DYDC2: variants seen among roughly 807,000 people sequenced by gnomAD.
DYDC2 encodes the protein DPY30 domain-containing protein 2.
In DYDC2, 19 loss-of-function variants were observed where a neutral mutation model predicts 18.7. That is an observed-to-expected ratio of 1.02 (90% confidence interval 0.71 to 1.49). DYDC2 has a LOEUF of 1.49. Ranked by LOEUF, DYDC2 falls within the 40% of genes most tolerant of loss-of-function variation. The pLI, the probability that DYDC2 is intolerant of heterozygous loss-of-function variation, is 0.00. For missense variants in DYDC2, 179 were observed against 205.1 expected (o/e 0.87, Z 0.78); for synonymous variants, 63 against 67.6 (o/e 0.93, Z 0.34).
upstream of DYDC2, among the ~76,000 whole-genome samples, chr10:80,355,677 CAG>C (rs956593488): frequency 1.7e-4 from 26 of 152,156 alleles, no homozygotes; most frequent in African/African-American, 6.3e-4. Context: ...CTCTAAGACA[CAG>C]AATAAAGAAA....
At chr10:80,346,560 A>G (rs1842652088) in intron 1 of DYDC2, among the ~76,000 whole-genome samples, 1 of 146,110 alleles carries the variant, frequency 6.8e-6, no homozygotes, top group Admixed American at 7.2e-5. Context: ...TCCTGGGTTC[A>G]CACCATTCTC....
At position 80,367,214 on chromosome 10, in the gene DYDC2, G is replaced by T. The variant is rs1413748058; in HGVS notation, c.*263G>T. 3 of 383,818 alleles carry T rather than the reference G, an allele frequency of 7.8e-6. No homozygotes were observed. The highest frequency in any genetic ancestry group is 1.4e-5 in the Non-Finnish European group (3 of 216,262). 23.8% of individuals were successfully genotyped at this position (383,818 alleles called of 1,614,324 possible). On this transcript the variant is annotated 3_prime_UTR_variant, in exon 5 of 5. Transcript: ENST00000256039. The stretch of plus-strand genomic sequence containing the variant: ...ATCAACGTTTTGGAGACTACACAAT[G>T]AAAACACATCTGTTGGGGTGATCAG...
intron 4 of DYDC2, among the ~76,000 whole-genome samples, chr10:80,363,511 A>ATT (rs1554848200): frequency 7.8e-5 from 11 of 140,462 alleles, no homozygotes; most frequent in South Asian, 4.6e-4. Context: ...CGCCCGGCTA[A>ATT]TTTTTTTTTT....
At chr10:80,362,890 G>A (rs1843706995) in intron 3 of DYDC2, 61 bp from the exon 4 acceptor site, 8 of 1,575,700 alleles carry the variant, frequency 5.1e-6, no homozygotes, top group Middle Eastern at 1.7e-4. Context: ...CCAGTGAGGG[G>A]GCCCCGTTTA....
chr10:80,365,143 C>T (rs953611918), intron 4 of DYDC2, among the ~76,000 whole-genome samples: 6 of 152,078 alleles, frequency 3.9e-5, no homozygotes, highest in Admixed American at 1.3e-4. Flanking sequence ...CAGTTTTTTC[C>T]TTGATCGCTT....
At chr10:80,351,916 C>T, upstream of DYDC2, 6 of 1,614,152 alleles carry the variant, frequency 3.7e-6, no homozygotes, top group African/African-American at 2.7e-5. Context: ...GAAGTAAGAG[C>T]TCCTCTGCTT....
At chr10:80,359,162 A>G (rs1019893842) in intron 2 of DYDC2, among the ~76,000 whole-genome samples, 2 of 152,160 alleles carry the variant, frequency 1.3e-5, no homozygotes, top group African/African-American at 4.8e-5. Context: ...TCTGTTTTAC[A>G]GAGAGCTGAT....
upstream of DYDC2, chr10:80,356,390 C>T (rs1843368938): frequency 1.0e-6 from 1 of 985,804 alleles, no homozygotes; most frequent in Non-Finnish European, 1.2e-6. Flanking sequence ...AGCCAGCCAA[C>T]TGGGCGGGGG....
upstream of DYDC2, chr10:80,352,098 A>T: frequency 8.8e-7 from 1 of 1,135,582 alleles, no homozygotes; most frequent in Admixed American, 1.9e-5. Flanking sequence ...AATTAGGGAA[A>T]GTGTTAAGCA....
At chr10:80,361,589 T>C (rs1236746578) in intron 2 of DYDC2, among the ~76,000 whole-genome samples, 2 of 152,226 alleles carry the variant, frequency 1.3e-5, no homozygotes, top group Non-Finnish European at 2.9e-5. Context: ...ACTCCATTAT[T>C]TTCCCCACAT....
At chr10:80,356,313 C>G (rs1436514891), upstream of DYDC2, 4 of 985,488 alleles carry the variant, frequency 4.1e-6, no homozygotes, top group Non-Finnish European at 4.8e-6. Context: ...CTGCCTCCAG[C>G]GTGAAGAAGG....
chr10:80,345,972 G>A (rs1302348613), intron 1 of DYDC2, among the ~76,000 whole-genome samples: 1 of 152,098 alleles, frequency 6.6e-6, no homozygotes, highest in African/African-American at 2.4e-5. Flanking sequence ...TTCCTGAGTA[G>A]CTGGGACCAC....
chr10:80,357,827 A>C, intron 1 of DYDC2, 66 bp from the exon 2 acceptor site: 6 of 985,494 alleles, frequency 6.1e-6, no homozygotes, highest in Non-Finnish European at 7.2e-6. Flanking sequence ...GCGTGGAAAA[A>C]TCAAAGGGAA....
In DYDC2 at chr10:80,362,465, A is replaced by G; in HGVS notation, c.22A>G (p.Arg8Gly). Residue 8 changes from arginine to glycine, a missense_variant, in exon 3 of 5, where the codon AGG (arginine) becomes GGG (glycine). Arg to Gly is a moderately radical substitution (Grantham distance 125, BLOSUM62 -2). Coordinates refer to ENST00000256039, the MANE Select transcript of DYDC2 (RefSeq NM_032372.6). METNYLK[R>G]CFGNCLAQAL... ...CAGGATGGAAACTAACTACCTGAAG[A>G]GGTGCTTTGGAAATTGCCTGGCCCA... is the stretch of plus-strand genomic sequence containing the variant. The G allele has an allele frequency of 6.2e-7, 1 of 1,613,866 alleles. No homozygotes were observed. Among genetic ancestry groups the G allele is most frequent in the Non-Finnish European group, 8.5e-7 (1 of 1,179,904 alleles).
rs11202638 is a variant in DYDC2 at position 80,347,724 on chromosome 10, G to A, written c.-310+2909G>A. Among the ~76,000 whole-genome samples the A allele has an allele frequency of 6.6e-3, 1,009 of 152,158 alleles. 33 individuals carry two copies. In the East Asian group the frequency reaches 0.068, roughly 10 times the overall value. On this transcript the variant is annotated intron_variant, in intron 1 of 4. Coordinates refer to the DYDC2 transcript ENST00000372197. ...TTGAAGAGACTATCCTTTTCCCTTT[G>A]TGTTTTCTTGCAGGGCTTGTCAAAA...
In DYDC2 at chr10:80,358,728, G is replaced by T. The variant is rs192236857; in HGVS notation, c.-10+683G>T. ...GTTCTGAATCTGTGGTGGGACCTGA[G>T]ATTCTGCATCTCAACAAGTCCCAAT... On this transcript the variant is annotated intron_variant, in intron 2 of 4. Transcript: ENST00000256039. Among the ~76,000 whole-genome samples the T allele has an allele frequency of 2.2e-4, 34 of 152,314 alleles. No homozygotes were observed. The East Asian group carries it at 6.4e-3, about 29-fold the overall frequency.
intron 1 of DYDC2, among the ~76,000 whole-genome samples, 182 bp downstream of exon 1, chr10:80,357,007 G>C (rs1197735661): frequency 3.4e-5 from 5 of 146,208 alleles, no homozygotes; most frequent in African/African-American, 5.1e-5. Flanking sequence ...GCGGCAGAGA[G>C]GAGGGGGCGT....
upstream of DYDC2, among the ~76,000 whole-genome samples, chr10:80,355,698 C>T (rs1843323283): frequency 6.6e-6 from 1 of 152,028 alleles, no homozygotes; most frequent in Admixed American, 6.5e-5. Flanking sequence ...AAACGAGGTG[C>T]TGAAATTGTA....
At position 80,362,516 on chromosome 10, in the gene DYDC2, C is replaced by T. The variant is rs779002406; in HGVS notation, c.73C>T (p.Arg25Trp). 27 of 1,613,966 alleles carry T rather than the reference C, an allele frequency of 1.7e-5. No homozygotes were observed. Among genetic ancestry groups the T allele is most frequent in the South Asian group, 5.5e-5 (5 of 91,062 alleles). The change falls in exon 3 of 5, where the codon CGG (arginine) becomes TGG (tryptophan). Residue 25 changes from arginine (R) to tryptophan (W), a missense_variant. Physicochemically the swap from Arg to Trp is moderately radical, Grantham distance 101. Transcript: ENST00000256039. Reference sequence around the variant, plus strand: ...GGCACTGGCAGAGGTGGCGAAGGTTCGGCCCAGTGACCCAATAGAATACCT... The same window carrying T: ...GGCACTGGCAGAGGTGGCGAAGGTTTGGCCCAGTGACCCAATAGAATACCT... ...AQALAEVAKV[R>W]PSDPIEYLAH...
Sources: gnomAD v4.1 joint callset for allele counts (sites outside exome capture counted in the v4.1 genomes callset) on GRCh38, gnomAD v4.1.1 for gene constraint, MANE v1.5 for transcripts, NCBI Gene and HGNC (gene_info 2026-07-23, HGNC 2026-07-21) for gene names.